Variants in CARS2 observed in about 807,000 individuals in gnomAD.
CARS2 encodes probable cysteine--tRNA ligase, mitochondrial.
Under a neutral mutation model 68.8 loss-of-function variants are expected in CARS2, and 52 were observed. The observed-to-expected ratio is 0.76, with a 90% CI of 0.61 to 0.95. CARS2 has a LOEUF of 0.95. Ranked by LOEUF, CARS2 falls within the 40% of genes least tolerant of loss-of-function variation. CARS2 has a pLI of 0.00. For synonymous variants in CARS2, 314 were observed against 303.6 expected, an observed-to-expected ratio of 1.03 and a Z score of -0.36; for missense variants, 780 against 754.2, an observed-to-expected ratio of 1.03 and a Z score of -0.40.
At chr13:110,687,616 T>C (rs1257975027) in intron 5 of CARS2, 105 bp downstream of exon 5, 2 of 672,510 alleles carry the variant, frequency 3.0e-6, no homozygotes, top group Non-Finnish European at 5.1e-6. Flanking sequence ...GAGGCAGAGG[T>C]TGCAGTGAGC....
At chr13:110,659,374 T>A (rs997298833) in intron 9 of CARS2, among the ~76,000 whole-genome samples, 1 of 152,196 alleles carries the variant, frequency 6.6e-6, no homozygotes, top group African/African-American at 2.4e-5. Context: ...GGGTGAGGAC[T>A]CCCTAACAAC....
intron 10 of CARS2, chr13:110,649,245 C>G (rs763527228): frequency 1.3e-5 from 2 of 152,258 alleles, no homozygotes; most frequent in Non-Finnish European, 2.9e-5. Flanking sequence ...TCCCCTGGGC[C>G]GATGCACTGC....
upstream of CARS2, among the ~76,000 whole-genome samples, chr13:110,706,826 C>A (rs2063971199): frequency 2.8e-5 from 4 of 144,388 alleles, no homozygotes; most frequent in African/African-American, 9.9e-5. Context: ...CCCCAGCACA[C>A]ACATCTGCAC....
chr13:110,686,249 T>C (rs1479152914), intron 5 of CARS2, among the ~76,000 whole-genome samples: 1 of 151,538 alleles, frequency 6.6e-6, no homozygotes, highest in Non-Finnish European at 1.5e-5. Context: ...ACGCTTTTTT[T>C]TTTTTTTTTT....
At chr13:110,712,513 C>T in intron 1 of CARS2, 1 of 290,894 alleles carries the variant, frequency 3.4e-6, no homozygotes, top group Non-Finnish European at 6.6e-6. Context: ...CCAGGAGGGG[C>T]GGGCCCTTTG....
At chr13:110,651,775 T>C (rs527348406) in intron 9 of CARS2, among the ~76,000 whole-genome samples, 2 of 152,344 alleles carry the variant, frequency 1.3e-5, no homozygotes, top group African/African-American at 2.4e-5. Flanking sequence ...TGAGGAAGCT[T>C]AGAAGAGGTC....
In CARS2 at chr13:110,705,727, A is replaced by G. The variant is rs532622061; in HGVS notation, c.224+143T>C. ...TGCTCAATTCACACCCAAACCTGCA[A>G]AAGCACCGCGCACCCCCAGCTTCTA... On this transcript the variant is annotated intron_variant, in intron 1 of 14. Transcript: ENST00000257347. The surrounding 1 kb of genome is among the most constrained non-coding windows in gnomAD (Gnocchi z 4.0). 4.5e-5 allele frequency: 69 copies of G among 1,535,908 alleles called. No individual in the cohort carries two copies. Among genetic ancestry groups the G allele is most frequent in the Admixed American group, 3.3e-4 (17 of 50,912 alleles).
At chr13:110,693,112 A>T (rs1405198475) in intron 3 of CARS2, among the ~76,000 whole-genome samples, 1 of 147,884 alleles carries the variant, frequency 6.8e-6, no homozygotes. Context: ...TCTGTCTCAA[A>T]AAAAAAAAAA....
At chr13:110,711,178 A>G (rs999669536), upstream of CARS2, among the ~76,000 whole-genome samples, 4 of 152,180 alleles carry the variant, frequency 2.6e-5, no homozygotes, top group Non-Finnish European at 5.9e-5. Context: ...TGTATTCGAC[A>G]TAATGTTTGT....
intron 3 of CARS2, among the ~76,000 whole-genome samples, chr13:110,697,173 C>T (rs1435774627): frequency 6.6e-6 from 1 of 152,248 alleles, no homozygotes; most frequent in East Asian, 1.9e-4. Flanking sequence ...AGCCCCGAAC[C>T]ACTGACCTTC....
At chr13:110,697,309 G>A (rs1217196572) in intron 3 of CARS2, among the ~76,000 whole-genome samples, 1 of 152,238 alleles carries the variant, frequency 6.6e-6, no homozygotes, top group Non-Finnish European at 1.5e-5. Context: ...TAGGCTGGGG[G>A]TAAGGATGTG....
Position 110,642,275 on chromosome 13 carries a change from G to A in CARS2, c.1623+40C>T, listed in dbSNP as rs751019720. The A allele has an allele frequency of 2.7e-6, 4 of 1,495,842 alleles. No individual in the cohort carries two copies. The South Asian group carries it at 3.6e-5, about 14-fold the overall frequency. 92.7% of individuals were successfully genotyped at this position (1,495,842 alleles called of 1,614,324 possible). A position where few individuals can be genotyped will look rare whatever the true frequency, so the allele number is the denominator to read the frequency against. On this transcript the variant is annotated intron_variant, in intron 14 of 14. Coordinates refer to ENST00000257347, the MANE Select transcript of CARS2 (RefSeq NM_024537.4). ...GCCCCACGTCCTGTTGACCTACCCG[G>A]CTCCTGGGGTGATGTCCCTGACCTT...
chr13:110,672,345 C>A (rs185054011), intron 7 of CARS2, among the ~76,000 whole-genome samples: 1 of 152,168 alleles, frequency 6.6e-6, no homozygotes, highest in South Asian at 2.1e-4. Flanking sequence ...TGTAAAAGAA[C>A]AGAAATTGTA....
intron 9 of CARS2, among the ~76,000 whole-genome samples, chr13:110,661,111 G>A (rs990855340): frequency 2.0e-5 from 3 of 152,126 alleles, no homozygotes; most frequent in South Asian, 2.1e-4. Flanking sequence ...GTCAATGAGC[G>A]CTGGTTTCAA....
intron 5 of CARS2, among the ~76,000 whole-genome samples, chr13:110,685,067 A>T (rs1312611055): frequency 6.6e-6 from 1 of 152,220 alleles, no homozygotes; most frequent in East Asian, 1.9e-4. Flanking sequence ...GTGAACATTT[A>T]TCACTTTATT....
chr13:110,676,552 CCA>C lies in CARS2; in HGVS notation c.785+420_785+421del, dbSNP rs1434228227. Among the ~76,000 whole-genome samples the C allele has an allele frequency of 6.6e-6, 1 of 152,094 alleles. No homozygotes were observed. Among genetic ancestry groups the C allele is most frequent in the African/African-American group, 2.4e-5 (1 of 41,424 alleles). Reference sequence around the variant, plus strand: ...ATCTGGGAGGAGCTGGAGATTTCCGCCACAGAGCACCCTGGCATGCGAGTTGC... The same window carrying C: ...ATCTGGGAGGAGCTGGAGATTTCCGCCAGAGCACCCTGGCATGCGAGTTGC... On this transcript the variant is annotated intron_variant, in intron 7 of 14. Coordinates refer to ENST00000257347, the MANE Select transcript of CARS2 (RefSeq NM_024537.4). The surrounding 1 kb of genome is among the most constrained non-coding windows in gnomAD (Gnocchi z 4.0).
chr13:110,665,696 C>T lies in CARS2; in HGVS notation c.919+1644G>A. On this transcript the variant is annotated intron_variant, in intron 8 of 14. Transcript: ENST00000257347. The surrounding 1 kb of genome is among the most constrained non-coding windows in gnomAD (Gnocchi z 4.3). ...CCTGCGGAGGGAGCAACTCCAGCTC[C>T]TCAGACAGTTCAGGGAGCGCTGAAC... The T allele has an allele frequency of 2.0e-6, 2 of 985,424 alleles. No individual in the cohort carries two copies. Among genetic ancestry groups the T allele is most frequent in the Non-Finnish European group, 2.4e-6 (2 of 829,934 alleles). The allele number at this position is 985,424 out of a possible 1,614,324, so 61.0% of individuals were successfully genotyped here.
intron 9 of CARS2, among the ~76,000 whole-genome samples, chr13:110,657,189 CTG>C (rs2062393142): frequency 7.2e-6 from 1 of 138,020 alleles, no homozygotes; most frequent in African/African-American, 2.9e-5. Context: ...CTAAAAAGCC[CTG>C]TGATATTAAA....
At chr13:110,685,076 T>C (rs1163253192) in intron 5 of CARS2, among the ~76,000 whole-genome samples, 1 of 152,216 alleles carries the variant, frequency 6.6e-6, no homozygotes, top group Non-Finnish European at 1.5e-5. Flanking sequence ...TATCACTTTA[T>C]TCCTAAAATG....
Sources: gnomAD v4.1 joint callset for allele counts (sites outside exome capture counted in the v4.1 genomes callset) on GRCh38, gnomAD v4.1.1 for gene constraint, Gnocchi (gnomAD v3.1) non-coding constraint, MANE v1.5 for transcripts, NCBI Gene and HGNC (gene_info 2026-07-23, HGNC 2026-07-21) for gene names.